GPC3: variants seen among roughly 807,000 people sequenced by gnomAD.
GPC3 encodes glypican 3.
A neutral mutation model predicts 34.4 loss-of-function variants in GPC3; 3 were observed. That is an observed-to-expected ratio of 0.09 (90% CI 0.04 to 0.23). The LOEUF (loss-of-function observed/expected upper bound fraction) is 0.23. Ranked by LOEUF, GPC3 falls within the 10% of genes least tolerant of loss-of-function variation. The pLI, the probability that GPC3 is intolerant of heterozygous loss-of-function variation, is 1.00. For synonymous variants in GPC3, 177 were observed against 174.0 expected, an observed-to-expected ratio of 1.02 and a Z score of -0.13; for missense variants, 351 against 445.6, an observed-to-expected ratio of 0.79 and a Z score of 1.91.
chrX:133,869,759 C>T, intron 2 of GPC3, among the ~76,000 whole-genome samples: 1 of 111,328 alleles, frequency 9.0e-6, no homozygotes, highest in Admixed American at 9.5e-5. Context: ...AGAGACCATC[C>T]TGGCTAACAC....
intron 2 of GPC3, among the ~76,000 whole-genome samples, chrX:133,943,568 C>T (rs1482591064): frequency 1.8e-5 from 2 of 112,253 alleles, no homozygotes; most frequent in African/African-American, 6.5e-5. Context: ...TTAATACCAC[C>T]TTTTTGAAGG....
At chrX:133,886,062 AC>A (rs1462178062) in intron 2 of GPC3, among the ~76,000 whole-genome samples, 8 of 111,713 alleles carry the variant, frequency 7.2e-5, no homozygotes, top group African/African-American at 2.6e-4. Flanking sequence ...AATATGCTAC[AC>A]ATATGGAAAG....
chrX:133,536,012 G>T lies in GPC3; in HGVS notation c.*112C>A. The stretch of plus-strand genomic sequence containing the variant: ...AGTCCTCTACTTCATGGCTGGAGGA[G>T]GTATACAGGATAACAAAAAAAAAAA... On this transcript the variant is annotated 3_prime_UTR_variant, in exon 8 of 8. Coordinates refer to ENST00000370818, the MANE Select transcript of GPC3 (RefSeq NM_004484.4). 1 of 541,687 alleles carries T rather than the reference G, an allele frequency of 1.8e-6. No individual in the cohort carries two copies. Among genetic ancestry groups the T allele is most frequent in the East Asian group, 3.5e-5 (1 of 28,888 alleles). 44.6% of individuals were successfully genotyped at this position (541,687 alleles called of 1,213,427 possible).
rs980436939 is a variant in GPC3 at position 133,536,104 on chromosome X, A to T, written c.*20T>A. 1 of 1,174,494 alleles carries T rather than the reference A, an allele frequency of 8.5e-7. No homozygotes were observed. The highest frequency in any genetic ancestry group is 1.2e-6 in the Non-Finnish European group (1 of 863,217). Reference sequence around the variant, plus strand: ...ACCACAGGGTGCTGTAGGGCAGCACATGTGCTGGGCACCAGGCAGTCAGTG... The same window carrying T: ...ACCACAGGGTGCTGTAGGGCAGCACTTGTGCTGGGCACCAGGCAGTCAGTG... On this transcript the variant is annotated 3_prime_UTR_variant, in exon 8 of 8. Coordinates refer to ENST00000370818, the MANE Select transcript of GPC3 (RefSeq NM_004484.4).
chrX:133,913,719 T>C (rs2076211236), intron 2 of GPC3, among the ~76,000 whole-genome samples: 1 of 111,117 alleles, frequency 9.0e-6, no homozygotes. Flanking sequence ...GTTTCGTAAA[T>C]CTCCATGGCT....
chrX:133,943,829 C>A (rs1296722175), intron 2 of GPC3, among the ~76,000 whole-genome samples: 1 of 111,601 alleles, frequency 9.0e-6, no homozygotes, highest in Non-Finnish European at 1.9e-5. Context: ...AACCAGCCAG[C>A]CTCAGAGTTA....
chrX:133,558,295 C>CTTTTTTTTT, intron 7 of GPC3, among the ~76,000 whole-genome samples: 1 of 94,687 alleles, frequency 1.1e-5, no homozygotes, highest in Non-Finnish European at 2.1e-5. Flanking sequence ...TCAATTTGGG[C>CTTTTTTTTT]TTTTTTTTTT....
At chrX:133,929,649 A>G (rs954966318) in intron 2 of GPC3, among the ~76,000 whole-genome samples, 2 of 112,206 alleles carry the variant, frequency 1.8e-5, no homozygotes, top group African/African-American at 6.5e-5. Context: ...CAATTCTCTC[A>G]GAAGTTCAAA....
At chrX:133,729,059 C>T (rs2071439521) in intron 3 of GPC3, among the ~76,000 whole-genome samples, 1 of 111,298 alleles carries the variant, frequency 9.0e-6, no homozygotes, top group Non-Finnish European at 1.9e-5. Context: ...GTCCAAACCT[C>T]CCATATATGC....
intron 2 of GPC3, among the ~76,000 whole-genome samples, chrX:133,808,776 C>T (rs1333743738): frequency 9.1e-6 from 1 of 110,273 alleles, no homozygotes; most frequent in African/African-American, 3.3e-5. Flanking sequence ...CAAACAAATA[C>T]CTGTTCTAAC....
At chrX:133,944,760 A>G (rs930684770) in intron 2 of GPC3, among the ~76,000 whole-genome samples, 10 of 112,713 alleles carry the variant, frequency 8.9e-5, no homozygotes, top group Admixed American at 3.8e-4. Flanking sequence ...ATACATATAT[A>G]TGCTTATAAA....
chrX:133,907,233 T>C (rs1016837826), intron 2 of GPC3, among the ~76,000 whole-genome samples: 4 of 112,159 alleles, frequency 3.6e-5, no homozygotes, highest in Non-Finnish European at 7.5e-5. Context: ...CAATTAACTT[T>C]AGAATTAAAA....
chrX:133,669,134 G>A (rs892238288), intron 5 of GPC3, among the ~76,000 whole-genome samples: 1 of 111,820 alleles, frequency 8.9e-6, no homozygotes, highest in Admixed American at 9.5e-5. Flanking sequence ...GCCAGGGTGG[G>A]CAGGTCAAAG....
chrX:133,803,333 A>G (rs139210281), intron 2 of GPC3, among the ~76,000 whole-genome samples: 1,519 of 112,676 alleles, frequency 0.013, 29 homozygotes, highest in African/African-American at 0.046. Flanking sequence ...TTTTAATTCC[A>G]TAACCAGGAA....
At chrX:133,751,857 ATTTC>A (rs1374859158) in intron 3 of GPC3, among the ~76,000 whole-genome samples, 2 of 110,664 alleles carry the variant, frequency 1.8e-5, no homozygotes, top group African/African-American at 3.3e-5. Flanking sequence ...TCTATCATAT[ATTTC>A]TTTCTCTCTC....
chrX:133,565,563 A>G (rs1402389133), intron 7 of GPC3, among the ~76,000 whole-genome samples: 1 of 111,577 alleles, frequency 9.0e-6, no homozygotes, highest in African/African-American at 3.3e-5. Flanking sequence ...CTCTCTCATC[A>G]CCTTCTTTTC....
chrX:133,759,393 G>C (rs1056905363), intron 2 of GPC3, among the ~76,000 whole-genome samples: 1 of 111,791 alleles, frequency 8.9e-6, no homozygotes, highest in African/African-American at 3.2e-5. Context: ...AGACAGCTTG[G>C]TATTGGTGAA....
At chrX:133,606,929 A>G (rs948730911) in intron 6 of GPC3, among the ~76,000 whole-genome samples, 1 of 111,719 alleles carries the variant, frequency 9.0e-6, no homozygotes, top group African/African-American at 3.2e-5. Context: ...CTGAATTTCC[A>G]AACAGGATAA....
chrX:133,795,766 G>A (rs2075575491), intron 2 of GPC3, among the ~76,000 whole-genome samples: 1 of 105,843 alleles, frequency 9.4e-6, no homozygotes, highest in Non-Finnish European at 2.0e-5. Flanking sequence ...AGGAAAAATG[G>A]TGGACTGGCC....
Sources: allele counts gnomAD v4.1 joint callset (sites outside exome capture counted in the v4.1 genomes callset), GRCh38; gene constraint gnomAD v4.1.1; transcripts MANE v1.5; gene names NCBI Gene and HGNC (gene_info 2026-07-23, HGNC 2026-07-21).